ANK1: variants seen among roughly 807,000 people sequenced by gnomAD.
The protein encoded by ANK1 is ankyrin-1.
A neutral mutation model predicts 210.4 loss-of-function variants in ANK1; 51 were observed. The ratio of observed to expected loss-of-function variants is 0.24; its 90% CI spans 0.19 to 0.31. ANK1 has a LOEUF of 0.31. Among genes scored for constraint, ANK1 ranks in the 10% least tolerant of loss-of-function variants. The pLI is 1.00. For missense variants in ANK1, 2,051 were observed against 2,504.4 expected, an observed-to-expected ratio of 0.82 and a Z score of 3.86; for synonymous variants, 967 against 1,025.9, an observed-to-expected ratio of 0.94 and a Z score of 1.10.
At chr8:41,822,765 C>A (rs894009705) in intron 1 of ANK1, among the ~76,000 whole-genome samples, 3 of 152,164 alleles carry the variant, frequency 2.0e-5, no homozygotes, top group Non-Finnish European at 4.4e-5. Flanking sequence ...GATCCTTGAC[C>A]CTGCTACCAT....
chr8:41,726,754 A>T (rs533042681), intron 5 of ANK1, among the ~76,000 whole-genome samples: 1 of 152,350 alleles, frequency 6.6e-6, no homozygotes, highest in East Asian at 1.9e-4. Context: ...AGGAACTGAT[A>T]AAACGGAATG....
At chr8:41,791,936 C>T (rs1847822461) in intron 1 of ANK1, among the ~76,000 whole-genome samples, 1 of 151,978 alleles carries the variant, frequency 6.6e-6, no homozygotes, top group African/African-American at 2.4e-5. Context: ...AGGTTGTTTG[C>T]TTGCTTTGTT....
intron 37 of ANK1, among the ~76,000 whole-genome samples, chr8:41,678,984 C>T (rs554628841): frequency 2.0e-5 from 3 of 152,216 alleles, no homozygotes; most frequent in Non-Finnish European, 2.9e-5. Context: ...CAGGGTTTCA[C>T]CATGTTGGCC....
chr8:41,836,546 C>G (rs540069930), intron 1 of ANK1, among the ~76,000 whole-genome samples: 2 of 152,208 alleles, frequency 1.3e-5, no homozygotes, highest in Non-Finnish European at 2.9e-5. Context: ...GGCTCCTAGA[C>G]CAAGTTCCAT....
intron 14 of ANK1, among the ~76,000 whole-genome samples, chr8:41,715,283 G>A (rs1827317111): frequency 6.6e-6 from 1 of 152,192 alleles, no homozygotes; most frequent in South Asian, 2.1e-4. Context: ...CTGGCAAGAG[G>A]GTCTCAACCA....
intron 1 of ANK1, among the ~76,000 whole-genome samples, chr8:41,823,740 G>A (rs566195297): frequency 3.9e-4 from 59 of 152,060 alleles, no homozygotes; most frequent in Non-Finnish European, 7.2e-4. Flanking sequence ...TTCCAGCCTG[G>A]GCAACAGAGC....
chr8:41,892,368 T>C (rs1819613927), intron 1 of ANK1, among the ~76,000 whole-genome samples: 1 of 152,188 alleles, frequency 6.6e-6, no homozygotes, highest in African/African-American at 2.4e-5. Context: ...CTGCATAGAC[T>C]GGAAAGACTG....
intron 16 of ANK1, among the ~76,000 whole-genome samples, chr8:41,711,826 C>T (rs1433409342): frequency 6.6e-6 from 1 of 152,132 alleles, no homozygotes; most frequent in African/African-American, 2.4e-5. Flanking sequence ...GCTGTGTTGC[C>T]CAGGGCCATG....
At chr8:41,678,486 A>C (rs1201398480) in intron 37 of ANK1, among the ~76,000 whole-genome samples, 3 of 152,166 alleles carry the variant, frequency 2.0e-5, no homozygotes, top group Non-Finnish European at 4.4e-5. Context: ...TCTGTTGGGA[A>C]CTGTAATTTC....
chr8:41,699,439 G>A lies in ANK1; in HGVS notation c.2558+13C>T, dbSNP rs1822054462. On this transcript the variant is annotated intron_variant, in intron 23 of 42. Transcript: ENST00000289734. Reference sequence around the variant, plus strand: ...TCGGCACCCCCGGGGACCCTCCCGGGAGCACTGCTCACACTTGGTCTAGCT... The same window carrying A: ...TCGGCACCCCCGGGGACCCTCCCGGAAGCACTGCTCACACTTGGTCTAGCT... 2 of 1,613,686 alleles carry A rather than the reference G, an allele frequency of 1.2e-6. No individual in the cohort carries two copies. Among genetic ancestry groups the A allele is most frequent in the South Asian group, 1.1e-5 (1 of 91,068 alleles).
At position 41,792,813 on chromosome 8, in the gene ANK1, A is replaced by G. The variant is rs558264263; in HGVS notation, c.27+4699T>C. Among the ~76,000 whole-genome samples the G allele has an allele frequency of 2.0e-4, 30 of 152,330 alleles. 1 individual carries two copies. Among genetic ancestry groups the G allele is most frequent in the African/African-American group, 4.6e-4 (19 of 41,566 alleles). Reference sequence around the variant, plus strand: ...GCAAACCCTAGAGCAATAATTTTCAATCGCAGGTTTGTGAGCAAACTGCTA... The same window carrying G: ...GCAAACCCTAGAGCAATAATTTTCAGTCGCAGGTTTGTGAGCAAACTGCTA... On this transcript the variant is annotated intron_variant, in intron 1 of 42. Coordinates refer to ENST00000289734, the MANE Select transcript of ANK1 (RefSeq NM_000037.4).
intron 2 of ANK1, among the ~76,000 whole-genome samples, chr8:41,745,160 A>G (rs1200010763): frequency 2.6e-5 from 4 of 152,088 alleles, no homozygotes; most frequent in African/African-American, 9.7e-5. Flanking sequence ...GGAGGGAGAA[A>G]GAAGAAGGGG....
At chr8:41,719,211 C>T (rs774570241) in intron 10 of ANK1, among the ~76,000 whole-genome samples, 10 of 152,162 alleles carry the variant, frequency 6.6e-5, no homozygotes, top group Non-Finnish European at 1.0e-4. Context: ...TCCCTTTACA[C>T]GAGTGCCATG....
chr8:41,682,945 C>T (rs1034905135), intron 37 of ANK1, among the ~76,000 whole-genome samples: 4 of 152,208 alleles, frequency 2.6e-5, no homozygotes, highest in Non-Finnish European at 5.9e-5. Context: ...TGGCCAGGTC[C>T]CCTGAGGGGA....
At chr8:41,727,375 G>T in intron 4 of ANK1, 27 bp from the exon 5 acceptor site, 1 of 1,528,920 alleles carries the variant, frequency 6.5e-7, no homozygotes. Context: ...GACATCATTA[G>T]CATCCACCCG....
rs1359822589 is a variant in ANK1, at chr8:41,715,220, G to T, written c.1603-146C>A. The T allele has an allele frequency of 5.4e-6, 4 of 735,808 alleles. No individual in the cohort carries two copies. The African/African-American group carries it at 7.0e-5, about 13-fold the overall frequency. 45.6% of individuals were successfully genotyped at this position (735,808 alleles called of 1,614,324 possible). ...CAGCCATTTTTGAGCCCTCTGGGAG[G>T]CCGAAGACCTCAGGACTTGGCAGGC... On this transcript the variant is annotated intron_variant, in intron 14 of 42. Transcript: ENST00000289734.
At chr8:41,839,211 A>G (rs1045941039) in intron 1 of ANK1, among the ~76,000 whole-genome samples, 2 of 152,262 alleles carry the variant, frequency 1.3e-5, no homozygotes, top group African/African-American at 4.8e-5. Context: ...GTGCTTTTAT[A>G]TAATAATGAT....
chr8:41,705,064 GC>G, intron 18 of ANK1, among the ~76,000 whole-genome samples: 1 of 152,338 alleles, frequency 6.6e-6, no homozygotes, highest in East Asian at 1.9e-4. Context: ...ACTGGTCATT[GC>G]TTATTGAAAT....
At chr8:41,774,315 G>A (rs6992661) in intron 1 of ANK1, among the ~76,000 whole-genome samples, 65,022 of 152,094 alleles carry the variant, frequency 0.43, 15,023 homozygotes, top group African/African-American at 0.6. Flanking sequence ...AATGCTGGCC[G>A]CACAACAGAG....
Sources: allele counts gnomAD v4.1 joint callset (sites outside exome capture counted in the v4.1 genomes callset), GRCh38; gene constraint gnomAD v4.1.1; transcripts MANE v1.5; gene names NCBI Gene and HGNC (gene_info 2026-07-23, HGNC 2026-07-21).